CFAP47: variants seen among roughly 807,000 people sequenced by gnomAD.
CFAP47 encodes cilia- and flagella-associated protein 47.
CFAP47 carries 29 observed loss-of-function variants against 148.1 expected under a neutral mutation model. That is an observed-to-expected ratio of 0.20 (90% CI 0.15 to 0.27). The LOEUF (loss-of-function observed/expected upper bound fraction) is 0.27, where lower values mean the gene tolerates loss of function less well. Ranked by LOEUF, CFAP47 falls within the 10% of genes least tolerant of loss-of-function variation. The pLI is 1.00. For missense variants in CFAP47, 1,872 were observed against 1,697.5 expected, an observed-to-expected ratio of 1.10 and a Z score of -1.81; for synonymous variants, 664 against 577.3, an observed-to-expected ratio of 1.15 and a Z score of -2.15.
intron 22 of CFAP47, among the ~76,000 whole-genome samples, chrX:36,016,816 T>C (rs1354379641): frequency 9.3e-6 from 1 of 107,177 alleles, no homozygotes; most frequent in Non-Finnish European, 1.9e-5. Context: ...CTTTTCTCCG[T>C]ATCCTCACCA....
chrX:36,235,097 C>G (rs1023376721), intron 46 of CFAP47, among the ~76,000 whole-genome samples: 1 of 111,434 alleles, frequency 9.0e-6, no homozygotes, highest in Non-Finnish European at 1.9e-5. Flanking sequence ...GTAGTCTGCC[C>G]GTTCTCAGAT....
intron 46 of CFAP47, among the ~76,000 whole-genome samples, chrX:36,231,110 A>T (rs1295135593): frequency 3.6e-5 from 4 of 110,103 alleles, no homozygotes; most frequent in Non-Finnish European, 1.9e-5. Context: ...TTTTGGTTCC[A>T]TATTAACTTT....
intron 61 of CFAP47, among the ~76,000 whole-genome samples, chrX:36,365,366 T>C (rs187707757): frequency 3.7e-3 from 408 of 110,653 alleles, no homozygotes; most frequent in Non-Finnish European, 6.2e-3. Context: ...GTATAAACAA[T>C]GCAGTAATGA....
At chrX:36,159,338 G>A in intron 37 of CFAP47, 88 bp from the exon 38 acceptor site, 1 of 292,308 alleles carries the variant, frequency 3.4e-6, no homozygotes, top group South Asian at 2.2e-4. Flanking sequence ...GGGGGATGTA[G>A]GCATTAGACA....
At chrX:36,157,286 T>C (rs1269746426) in intron 37 of CFAP47, among the ~76,000 whole-genome samples, 1 of 112,528 alleles carries the variant, frequency 8.9e-6, no homozygotes, top group Non-Finnish European at 1.9e-5. Flanking sequence ...TGGATATAGA[T>C]TGAATATGCT....
intron 26 of CFAP47, among the ~76,000 whole-genome samples, chrX:36,063,893 C>T (rs778342232): frequency 1.8e-5 from 2 of 112,090 alleles, no homozygotes; most frequent in Non-Finnish European, 1.9e-5. Context: ...ACTGAAATGA[C>T]ATCACAATTT....
chrX:36,230,788 T>A (rs1164225466), intron 46 of CFAP47, among the ~76,000 whole-genome samples: 1 of 106,760 alleles, frequency 9.4e-6, no homozygotes, highest in Non-Finnish European at 1.9e-5. Context: ...AATTTTTGTA[T>A]AAGGTGTAAG....
intron 33 of CFAP47, among the ~76,000 whole-genome samples, chrX:36,127,257 A>T (rs966206558): frequency 2.7e-5 from 3 of 111,752 alleles, no homozygotes; most frequent in African/African-American, 9.8e-5. Flanking sequence ...ATCCAACTTC[A>T]GTTAATTTTT....
At chrX:36,315,742 T>G (rs191049411) in intron 56 of CFAP47, among the ~76,000 whole-genome samples, 3 of 111,714 alleles carry the variant, frequency 2.7e-5, no homozygotes, top group African/African-American at 9.8e-5. Context: ...CCCTGAGCAG[T>G]ATACCTTTGA....
intron 25 of CFAP47, among the ~76,000 whole-genome samples, chrX:36,044,062 C>A (rs1187567272): frequency 4.4e-5 from 5 of 113,318 alleles, no homozygotes; most frequent in African/African-American, 1.6e-4. Context: ...ATGAGCTGAG[C>A]TGTACCTTGG....
intron 10 of CFAP47, among the ~76,000 whole-genome samples, chrX:35,968,926 T>G (rs890638365): frequency 1.8e-5 from 2 of 110,507 alleles, no homozygotes; most frequent in South Asian, 7.5e-4. Flanking sequence ...TAATTTTTTA[T>G]GTACTTTTTT....
intron 33 of CFAP47, among the ~76,000 whole-genome samples, chrX:36,115,149 G>T (rs1290531518): frequency 7.2e-5 from 8 of 111,854 alleles, no homozygotes; most frequent in Non-Finnish European, 1.3e-4. Flanking sequence ...CATCTTCCTT[G>T]TCTTGTAACA....
At chrX:35,965,578 C>A (rs763074841) in intron 8 of CFAP47, among the ~76,000 whole-genome samples, 1 of 111,605 alleles carries the variant, frequency 9.0e-6, no homozygotes, top group African/African-American at 3.2e-5. Context: ...TTATGAATAA[C>A]CTTCTTTTAG....
intron 48 of CFAP47, among the ~76,000 whole-genome samples, chrX:36,244,076 A>C (rs1380011069): frequency 2.7e-5 from 3 of 111,545 alleles, no homozygotes; most frequent in Non-Finnish European, 5.7e-5. Flanking sequence ...ATTAATATCA[A>C]GAAGATTTCT....
chrX:36,002,853 T>C (rs1035451444), intron 21 of CFAP47, among the ~76,000 whole-genome samples: 1 of 111,690 alleles, frequency 9.0e-6, no homozygotes, highest in African/African-American at 3.2e-5. Context: ...TTTACTGAGA[T>C]TAAATTTTAT....
intron 59 of CFAP47, among the ~76,000 whole-genome samples, chrX:36,352,652 T>G (rs1393121675): frequency 9.1e-6 from 1 of 110,216 alleles, no homozygotes; most frequent in Non-Finnish European, 1.9e-5. Flanking sequence ...AGAAATAATA[T>G]TCTTATTTAT....
At position 36,199,657 on chromosome X, in the gene CFAP47, T is replaced by C. The variant is rs781851304; in HGVS notation, c.6322-722T>C. On this transcript the variant is annotated intron_variant, in intron 42 of 63. Coordinates refer to ENST00000378653, the MANE Select transcript of CFAP47 (RefSeq NM_001304548.2). ...TCCTCCCTGATTTATAGAAATAATA[T>C]TGGCTAATGATTGGCTATACATTGT... Among the ~76,000 whole-genome samples the C allele has an allele frequency of 1.4e-4, 16 of 111,699 alleles. No individual in the cohort carries two copies. In the South Asian group the frequency reaches 6.0e-3, roughly 42 times the overall value.
intron 60 of CFAP47, 115 bp from the exon 61 acceptor site, chrX:36,361,215 T>C (rs1399949218): frequency 2.5e-6 from 1 of 392,745 alleles, no homozygotes; most frequent in East Asian, 4.3e-5. Flanking sequence ...CTAAATAATA[T>C]ATACCCCCTC....
At chrX:36,171,619 G>A (rs912942004) in intron 39 of CFAP47, among the ~76,000 whole-genome samples, 6 of 110,669 alleles carry the variant, frequency 5.4e-5, no homozygotes, top group Admixed American at 2.9e-4. Context: ...GATATGTGGC[G>A]TTATTTCTGA....
Sources: gnomAD v4.1 joint callset for allele counts (sites outside exome capture counted in the v4.1 genomes callset) on GRCh38, gnomAD v4.1.1 for gene constraint, MANE v1.5 for transcripts, NCBI Gene and HGNC (gene_info 2026-07-23, HGNC 2026-07-21) for gene names.